NBAS: variants seen among roughly 807,000 people sequenced by gnomAD.
NBAS encodes NBAS subunit of NRZ tethering complex.
In NBAS, 219 loss-of-function variants were observed where a neutral mutation model predicts 302.5. The observed-to-expected ratio is 0.72, with a 90% CI of 0.65 to 0.81. NBAS has a LOEUF of 0.81. NBAS is among the 30% of genes least tolerant of loss of function. The pLI, the probability that NBAS is intolerant of heterozygous loss-of-function variation, is 0.00. For synonymous variants in NBAS, 1,118 were observed against 1,021.6 expected (o/e 1.09, Z -1.80); for missense variants, 2,932 against 2,841.6 (o/e 1.03, Z -0.72).
At chr2:15,138,379 T>A in the NBAS span, among the ~76,000 whole-genome samples, 6 of 151,898 alleles carry the variant, frequency 4.0e-5, no homozygotes, top group Non-Finnish European at 4.4e-5. Flanking sequence ...GTTATGATGC[T>A]TGGAACGGAG....
At chr2:15,246,985 C>T (rs1424492378) in intron 44 of NBAS, among the ~76,000 whole-genome samples, 2 of 152,174 alleles carry the variant, frequency 1.3e-5, no homozygotes, top group African/African-American at 4.8e-5. Context: ...AAGTGATGGG[C>T]ATGCAAGGTC....
At chr2:15,544,892 T>C (rs1011709282) in intron 6 of NBAS, among the ~76,000 whole-genome samples, 173 of 152,176 alleles carry the variant, frequency 1.1e-3, no homozygotes, top group African/African-American at 4.0e-3. Flanking sequence ...ACGCCTGTGA[T>C]CCCAGCTGCT....
At chr2:14,847,969 T>C in the NBAS span, among the ~76,000 whole-genome samples, 1 of 151,994 alleles carries the variant, frequency 6.6e-6, no homozygotes, top group Non-Finnish European at 1.5e-5. Context: ...AAATCAAGAA[T>C]GAGAGGAATT....
rs1669533260 is a variant in NBAS, at chr2:15,275,501, G to C, written c.5707C>G (p.Pro1903Ala). 1.2e-6 allele frequency: 2 copies of C among 1,614,082 alleles called. No homozygotes were observed. Among genetic ancestry groups the C allele is most frequent in the Non-Finnish European group, 1.7e-6 (2 of 1,180,002 alleles). ...ITVVDAVTFS[P>A]KAVTKLSVEA... ...TTGTTTACCTTGGTCACAGCTTTTG[G>C]AGAAAATGTAACTGCATCTACCACA... is the stretch of plus-strand genomic sequence containing the variant. The change falls in exon 44 of 52, where the codon CCA (proline) becomes GCA (alanine). Residue 1903 changes from proline (P) to alanine (A), a missense_variant. Coordinates refer to ENST00000281513, the MANE Select transcript of NBAS (RefSeq NM_015909.4).
the NBAS span, among the ~76,000 whole-genome samples, chr2:14,785,034 C>T: frequency 5.9e-5 from 9 of 152,288 alleles, no homozygotes; most frequent in East Asian, 5.8e-4. Context: ...AGGTCCTTCA[C>T]GTCCCTTGTA....
the NBAS span, among the ~76,000 whole-genome samples, chr2:14,911,168 G>A: frequency 6.6e-6 from 1 of 152,096 alleles, no homozygotes; most frequent in African/African-American, 2.4e-5. Context: ...GCAAATTTTT[G>A]AACCATCTAC....
At chr2:14,900,746 G>A in the NBAS span, among the ~76,000 whole-genome samples, 35,912 of 152,032 alleles carry the variant, frequency 0.24, 4,423 homozygotes, top group Non-Finnish European at 0.27. Context: ...TTCAGCAGTC[G>A]CACAAGGCAT....
the NBAS span, among the ~76,000 whole-genome samples, chr2:14,834,304 T>C: frequency 2.6e-5 from 4 of 152,304 alleles, no homozygotes; most frequent in South Asian, 6.2e-4. Flanking sequence ...CCATCTTTGC[T>C]GTGGAATCAC....
chr2:14,860,041 A>T, the NBAS span, among the ~76,000 whole-genome samples: 1 of 152,134 alleles, frequency 6.6e-6, no homozygotes, highest in Non-Finnish European at 1.5e-5. Flanking sequence ...AGAAATTGAC[A>T]TTTCCTAAAA....
At chr2:15,277,765 CT>C (rs888569466) in intron 42 of NBAS, among the ~76,000 whole-genome samples, 53 of 152,210 alleles carry the variant, frequency 3.5e-4, no homozygotes, top group African/African-American at 1.2e-3. Context: ...GTCACTTAAA[CT>C]CTTGGGAAAA....
rs1470843243 is a variant in NBAS at position 15,167,179 on chromosome 2, C to T, written c.6985G>A (p.Glu2329Lys). 2 of 1,614,248 alleles carry T rather than the reference C, an allele frequency of 1.2e-6. No homozygotes were observed. Among genetic ancestry groups the T allele is most frequent in the Admixed American group, 3.3e-5 (2 of 60,034 alleles). The change falls in exon 52 of 52, where the codon GAG becomes AAG. Residue 2329 changes from glutamate (E) to lysine (K), a missense_variant. By Grantham distance (56) the Glu-to-Lys change is moderately conservative. Transcript: ENST00000281513. ...SLQQGRWDAE[E>K]LGRHLREAGH... The stretch of plus-strand genomic sequence containing the variant: ...GCCTCCCGCAGGTGTCTGCCCAGCT[C>T]CTCTGCATCCCAGCGCCCTTGCTGG...
intron 33 of NBAS, among the ~76,000 whole-genome samples, chr2:15,355,319 A>AAACAAC (rs200554858): frequency 2.8e-4 from 42 of 152,042 alleles, no homozygotes; most frequent in Admixed American, 9.2e-4. Context: ...CATGATAAGA[A>AAACAAC]AACAACAACA....
At chr2:15,390,365 A>C (rs1439286099) in intron 28 of NBAS, among the ~76,000 whole-genome samples, 2 of 152,256 alleles carry the variant, frequency 1.3e-5, no homozygotes, top group African/African-American at 4.8e-5. Context: ...AAAATATTGC[A>C]TGTTTTCACT....
chr2:14,963,602 A>G, the NBAS span, among the ~76,000 whole-genome samples: 545 of 152,278 alleles, frequency 3.6e-3, 5 homozygotes, highest in African/African-American at 0.012. Context: ...TAGGCAGAGG[A>G]TGCTCACACG....
At chr2:14,833,373 C>T in the NBAS span, among the ~76,000 whole-genome samples, 71 of 152,218 alleles carry the variant, frequency 4.7e-4, no homozygotes, top group African/African-American at 1.5e-3. Context: ...TCAGAGATCA[C>T]ATGTGACAGA....
At chr2:15,029,870 G>A in the NBAS span, among the ~76,000 whole-genome samples, 2 of 152,330 alleles carry the variant, frequency 1.3e-5, no homozygotes, top group Admixed American at 1.3e-4. Context: ...AAGGTCAGGA[G>A]GCAGGGGAGG....
At chr2:15,122,112 G>A in the NBAS span, among the ~76,000 whole-genome samples, 146 of 151,822 alleles carry the variant, frequency 9.6e-4, no homozygotes, top group African/African-American at 2.9e-3. Flanking sequence ...GGGGTATGAC[G>A]GATGGAGGAC....
intron 35 of NBAS, among the ~76,000 whole-genome samples, chr2:15,341,936 T>C (rs1250639906): frequency 6.6e-6 from 1 of 152,186 alleles, no homozygotes; most frequent in African/African-American, 2.4e-5. Context: ...ACTGATGTCA[T>C]GATCACTGTA....
intron 36 of NBAS, among the ~76,000 whole-genome samples, chr2:15,328,667 G>A (rs7599455): frequency 0.52 from 79,032 of 152,062 alleles, 21,676 homozygotes; most frequent in East Asian, 0.85. Context: ...ACTCGAAAAC[G>A]TCATCTTGTC....
Sources: allele counts gnomAD v4.1 joint callset (sites outside exome capture counted in the v4.1 genomes callset), GRCh38; gene constraint gnomAD v4.1.1; transcripts MANE v1.5; gene names NCBI Gene and HGNC (gene_info 2026-07-23, HGNC 2026-07-21).